PRUNE2: variants seen among roughly 807,000 people sequenced by gnomAD.
PRUNE2 encodes prune homolog 2 with BCH domain.
PRUNE2 carries 164 observed loss-of-function variants against 252.0 expected under a neutral mutation model. The observed-to-expected ratio is 0.65, with a 90% CI of 0.57 to 0.74. The LOEUF is 0.74. Ranked by LOEUF, PRUNE2 falls within the 30% of genes least tolerant of loss-of-function variation. The pLI is 0.00. For missense variants in PRUNE2, 3,495 were observed against 3,711.0 expected (o/e 0.94, Z 1.51); for synonymous variants, 1,292 against 1,350.2 (o/e 0.96, Z 0.94).
At chr9:76,779,726 CA>C (rs2054169599) in intron 6 of PRUNE2, 1 of 152,214 alleles carries the variant, frequency 6.6e-6, no homozygotes. Flanking sequence ...ATTTACTGTA[CA>C]GTTCATCAAC....
chr9:76,831,741 C>T (rs188112070), intron 4 of PRUNE2, among the ~76,000 whole-genome samples: 1 of 152,016 alleles, frequency 6.6e-6, no homozygotes, highest in Non-Finnish European at 1.5e-5. Context: ...AGGAAACAAA[C>T]ATCAAAATAA....
At chr9:76,803,089 T>C (rs2056675093) in intron 6 of PRUNE2, among the ~76,000 whole-genome samples, 1 of 152,170 alleles carries the variant, frequency 6.6e-6, no homozygotes. Context: ...CCTCAGATAG[T>C]CAAAATCAAG....
chr9:76,826,825 G>C (rs2058371911), intron 4 of PRUNE2, 93 bp from the exon 5 acceptor site: 1 of 1,057,926 alleles, frequency 9.5e-7, no homozygotes, highest in Non-Finnish European at 1.4e-6. Context: ...CTCAATCTAA[G>C]CTTTCCATTT....
intron 1 of PRUNE2, among the ~76,000 whole-genome samples, chr9:76,894,716 G>GAAAAAAAAAAAAAAAAAAAA (rs1170899729): frequency 1.2e-4 from 13 of 110,704 alleles, no homozygotes; most frequent in East Asian, 4.3e-4. Flanking sequence ...ATTTTCTGCA[G>GAAAAAAAAAAAAAAAAAAAA]CAAAAAAAAA....
rs1219395019 is a variant in PRUNE2 at position 76,706,238 on chromosome 9, G to A, written c.6036C>T (p.Ser2012=). The change falls in exon 8 of 19, where the codon AGC becomes AGT. Residue 2012 remains serine, a synonymous_variant. Transcript: ENST00000376718. ...CAGCAGGAAAATTTTCTGTGGCAAT[G>A]CTTGAATTTGTCATCTCACCTAGGT... ...KSYLGEMTNS[S]IATENFPAVS... is the part of the protein sequence containing the mutation. The A allele has an allele frequency of 1.9e-6, 3 of 1,613,990 alleles. No homozygotes were observed. The highest frequency in any genetic ancestry group is 1.7e-5 in the Admixed American group (1 of 60,020).
chr9:76,719,588 C>G (rs115624501), intron 6 of PRUNE2, among the ~76,000 whole-genome samples: 2,107 of 151,640 alleles, frequency 0.014, 44 homozygotes, highest in African/African-American at 0.047. Flanking sequence ...AGTTTGAGAC[C>G]AGCCTGGGCA....
chr9:76,809,997 C>A (rs558213413), intron 6 of PRUNE2, among the ~76,000 whole-genome samples: 1 of 152,242 alleles, frequency 6.6e-6, no homozygotes, highest in East Asian at 1.9e-4. Context: ...GTTTGGGCTT[C>A]ACGGGCAGGA....
intron 6 of PRUNE2, among the ~76,000 whole-genome samples, chr9:76,820,962 G>C (rs1296998557): frequency 6.6e-6 from 1 of 152,106 alleles, no homozygotes; most frequent in African/African-American, 2.4e-5. Context: ...TCTACTATGT[G>C]CCATCACTGT....
At chr9:76,757,816 T>C (rs960456067) in intron 6 of PRUNE2, among the ~76,000 whole-genome samples, 1 of 152,090 alleles carries the variant, frequency 6.6e-6, no homozygotes, top group Admixed American at 6.6e-5. Flanking sequence ...CATGCATCTA[T>C]AGTTCCAGTG....
intron 6 of PRUNE2, among the ~76,000 whole-genome samples, chr9:76,789,518 T>C (rs1183777200): frequency 6.6e-6 from 1 of 152,084 alleles, no homozygotes; most frequent in Non-Finnish European, 1.5e-5. Flanking sequence ...CCTCTGCAAA[T>C]AGCACTTGGT....
At chr9:76,689,044 A>G (rs1318374830) in intron 9 of PRUNE2, among the ~76,000 whole-genome samples, 1 of 152,144 alleles carries the variant, frequency 6.6e-6, no homozygotes, top group Non-Finnish European at 1.5e-5. Flanking sequence ...AAGCACCCAG[A>G]GCCCCACCGT....
At chr9:76,624,938 TG>T in intron 16 of PRUNE2, 1 of 792,502 alleles carries the variant, frequency 1.3e-6, no homozygotes, top group Non-Finnish European at 1.9e-6. Context: ...CCTCTTGCTC[TG>T]GTAGCTTGTT....
chr9:76,839,441 C>T (rs566319244), intron 4 of PRUNE2, among the ~76,000 whole-genome samples: 2 of 152,230 alleles, frequency 1.3e-5, no homozygotes, highest in South Asian at 4.2e-4. Context: ...AAGGAGGGAA[C>T]GGCTTATGTA....
intron 9 of PRUNE2, among the ~76,000 whole-genome samples, chr9:76,693,257 C>T (rs1006584530): frequency 2.0e-5 from 3 of 149,914 alleles, no homozygotes; most frequent in African/African-American, 4.9e-5. Context: ...ACTAAATATC[C>T]AATGTTACAT....
intron 6 of PRUNE2, among the ~76,000 whole-genome samples, chr9:76,781,388 G>A (rs1343466418): frequency 1.3e-5 from 2 of 152,142 alleles, no homozygotes; most frequent in Non-Finnish European, 2.9e-5. Flanking sequence ...AGTTTCTAAT[G>A]AATTTTCTTT....
In PRUNE2 at chr9:76,748,881, G is replaced by A. The variant is rs561479860; in HGVS notation, c.757-35160C>T. Among the ~76,000 whole-genome samples, 3 of 152,258 alleles carry A rather than the reference G, an allele frequency of 2.0e-5. No homozygotes were observed. The South Asian group carries it at 6.2e-4, about 32-fold the overall frequency. On this transcript the variant is annotated intron_variant, in intron 6 of 18. Coordinates refer to ENST00000376718, the MANE Select transcript of PRUNE2 (RefSeq NM_015225.3). Reference sequence around the variant, plus strand: ...CCACGGTTCAGTACAGTGGGTGCAGGGGTATGTGCTGAGTGGAGGGAGGTG... The same window carrying A: ...CCACGGTTCAGTACAGTGGGTGCAGAGGTATGTGCTGAGTGGAGGGAGGTG...
chr9:76,723,933 G>A (rs1365187372), intron 6 of PRUNE2, among the ~76,000 whole-genome samples: 3 of 149,668 alleles, frequency 2.0e-5, no homozygotes, highest in Admixed American at 1.3e-4. Flanking sequence ...TCAGCCTCCC[G>A]AGTAGCTGGG....
chr9:76,876,059 A>G (rs909055874), intron 1 of PRUNE2, among the ~76,000 whole-genome samples: 1 of 152,246 alleles, frequency 6.6e-6, no homozygotes, highest in African/African-American at 2.4e-5. Context: ...GCATACTAGT[A>G]GTAGAAATTC....
intron 7 of PRUNE2, among the ~76,000 whole-genome samples, chr9:76,711,764 G>C (rs626416): frequency 0.79 from 120,731 of 152,252 alleles, 48,082 homozygotes; most frequent in East Asian, 0.94. Context: ...GAGACAGGCT[G>C]TTGTTTGGGA....
Sources: allele counts gnomAD v4.1 joint callset (sites outside exome capture counted in the v4.1 genomes callset), GRCh38; gene constraint gnomAD v4.1.1; transcripts MANE v1.5; gene names NCBI Gene and HGNC (gene_info 2026-07-23, HGNC 2026-07-21).